The following SHISA9 variants were observed in gnomAD, a reference collection of about 807,000 sequenced individuals.
SHISA9 encodes the protein shisa family member 9.
A neutral mutation model predicts 38.0 loss-of-function variants in SHISA9; 13 were observed. The observed-to-expected ratio is 0.34, with a 90% CI of 0.22 to 0.54. The LOEUF (loss-of-function observed/expected upper bound fraction) is 0.54. SHISA9 is among the 20% of genes least tolerant of loss of function. The pLI is 0.91. For missense variants in SHISA9, 538 were observed against 575.8 expected (o/e 0.93, Z 0.67); for synonymous variants, 275 against 242.0 (o/e 1.14, Z -1.27).
chr16:13,217,325 G>A (rs2051179819), intron 4 of SHISA9, among the ~76,000 whole-genome samples: 2 of 152,160 alleles, frequency 1.3e-5, no homozygotes, highest in East Asian at 3.9e-4. Context: ...AATCCACCCT[G>A]GAAGACACCA....
At chr16:13,036,474 G>A (rs2073065229) in intron 2 of SHISA9, among the ~76,000 whole-genome samples, 1 of 152,128 alleles carries the variant, frequency 6.6e-6, no homozygotes, top group Admixed American at 6.5e-5. Context: ...CCAGAGGTTG[G>A]GGGGTTATTA....
chr16:13,539,250 C>T, the SHISA9 span, among the ~76,000 whole-genome samples: 1 of 140,964 alleles, frequency 7.1e-6, no homozygotes, highest in African/African-American at 2.6e-5. Flanking sequence ...TTACCTCAGC[C>T]TCCCAAGTAG....
downstream of SHISA9, among the ~76,000 whole-genome samples, chr16:13,243,395 A>T (rs570675978): frequency 6.6e-6 from 1 of 152,324 alleles, no homozygotes; most frequent in South Asian, 2.1e-4. Context: ...AATCAAGTAC[A>T]TTTAAGAAAT....
chr16:13,251,251 C>G, the SHISA9 span, among the ~76,000 whole-genome samples: 7 of 152,168 alleles, frequency 4.6e-5, no homozygotes, highest in Admixed American at 2.0e-4. Flanking sequence ...AGATAATATT[C>G]CAGGGGACAC....
the SHISA9 span, among the ~76,000 whole-genome samples, chr16:13,504,575 A>G: frequency 2.0e-5 from 3 of 152,214 alleles, no homozygotes; most frequent in African/African-American, 7.2e-5. Flanking sequence ...GATTATGGAA[A>G]TCATCACCAT....
At chr16:13,530,989 A>G in the SHISA9 span, among the ~76,000 whole-genome samples, 87 of 152,304 alleles carry the variant, frequency 5.7e-4, no homozygotes, top group African/African-American at 2.0e-3. Flanking sequence ...CACCCACTTC[A>G]TGACCAGCCT....
chr16:13,553,091 C>T, the SHISA9 span, among the ~76,000 whole-genome samples: 3 of 152,094 alleles, frequency 2.0e-5, no homozygotes, highest in Non-Finnish European at 2.9e-5. Flanking sequence ...CCAAATGACC[C>T]CTGGGGGACA....
chr16:13,398,673 G>C, the SHISA9 span, among the ~76,000 whole-genome samples: 1 of 151,862 alleles, frequency 6.6e-6, no homozygotes, highest in Non-Finnish European at 1.5e-5. Flanking sequence ...ACCACGTCCG[G>C]CTAATTTTTT....
rs1567184042 is a variant in SHISA9, at chr16:13,019,879, C to CTTTCTTT, written c.691+103064_691+103065insTTTCTTT. On this transcript the variant is annotated intron_variant, in intron 2 of 4. Transcript: ENST00000558583. ...CCCTCCCTCCCTCCCTCCCTCCCTCCCTCCCTTCTTTCTTTCTTTCTTTCT... is the reference window on the plus strand; with the variant it reads ...CCCTCCCTCCCTCCCTCCCTCCCTCCTTTCTTTCTCCCTTCTTTCTTTCTTTCTTTCT... Among the ~76,000 whole-genome samples, 52 of 17,540 alleles carry CTTTCTTT rather than the reference C, an allele frequency of 3.0e-3. 5 individuals carry two copies. Among genetic ancestry groups the CTTTCTTT allele is most frequent in the African/African-American group, 3.8e-3 (19 of 4,984 alleles). 11.5% of individuals were successfully genotyped at this position (17,540 alleles called of 152,430 possible).
the SHISA9 span, among the ~76,000 whole-genome samples, chr16:13,514,051 G>A: frequency 6.6e-6 from 1 of 152,148 alleles, no homozygotes; most frequent in Non-Finnish European, 1.5e-5. Flanking sequence ...CTGGAGTGCA[G>A]TGGCATGATC....
chr16:12,907,205 C>A (rs1214678284), intron 1 of SHISA9, among the ~76,000 whole-genome samples: 1 of 137,854 alleles, frequency 7.3e-6, no homozygotes, highest in Non-Finnish European at 1.6e-5. Context: ...TCCCTCCCTC[C>A]CTCCCTTCCT....
At chr16:13,010,104 G>A (rs1168549179) in intron 2 of SHISA9, among the ~76,000 whole-genome samples, 1 of 152,270 alleles carries the variant, frequency 6.6e-6, no homozygotes, top group South Asian at 2.1e-4. Context: ...CTTGAGCCCA[G>A]GAGGTTGAGA....
At chr16:12,954,401 G>A (rs916356249) in intron 2 of SHISA9, among the ~76,000 whole-genome samples, 3 of 152,196 alleles carry the variant, frequency 2.0e-5, no homozygotes, top group East Asian at 3.8e-4. Context: ...TAAATAAAGG[G>A]TGATATGTTT....
the SHISA9 span, among the ~76,000 whole-genome samples, chr16:13,504,348 T>C: frequency 1.3e-5 from 2 of 152,156 alleles, no homozygotes; most frequent in African/African-American, 4.8e-5. Flanking sequence ...AACTAACTGA[T>C]TTTCTTTTCG....
At chr16:13,530,165 G>A in the SHISA9 span, among the ~76,000 whole-genome samples, 2 of 152,136 alleles carry the variant, frequency 1.3e-5, no homozygotes, top group South Asian at 2.1e-4. Flanking sequence ...GCCAGGCCTG[G>A]TGGTGAACAC....
chr16:13,552,688 G>T, the SHISA9 span, among the ~76,000 whole-genome samples: 1 of 152,110 alleles, frequency 6.6e-6, no homozygotes, highest in African/African-American at 2.4e-5. Context: ...GGGGGTGGTG[G>T]AGCCTGGGGT....
intron 2 of SHISA9, among the ~76,000 whole-genome samples, chr16:12,963,530 T>C (rs977267088): frequency 6.6e-6 from 1 of 152,230 alleles, no homozygotes; most frequent in East Asian, 1.9e-4. Context: ...TTAATAATAG[T>C]TGACATTCAT....
the SHISA9 span, among the ~76,000 whole-genome samples, chr16:13,556,427 G>A: frequency 2.0e-5 from 3 of 152,106 alleles, no homozygotes; most frequent in East Asian, 1.9e-4. Flanking sequence ...TTGGGAGGCC[G>A]AGGCGGGCGG....
intron 2 of SHISA9, among the ~76,000 whole-genome samples, chr16:13,054,472 G>A (rs2073287811): frequency 6.6e-6 from 1 of 152,198 alleles, no homozygotes; most frequent in Non-Finnish European, 1.5e-5. Flanking sequence ...GAACCAAGAA[G>A]TCTTGAAATC....
Sources: gnomAD v4.1 joint callset for allele counts (sites outside exome capture counted in the v4.1 genomes callset) on GRCh38, gnomAD v4.1.1 for gene constraint, MANE v1.5 for transcripts, NCBI Gene and HGNC (gene_info 2026-07-23, HGNC 2026-07-21) for gene names.